RDH12: variants seen among roughly 807,000 people sequenced by gnomAD.
RDH12 encodes the protein retinol dehydrogenase 12.
Under a neutral mutation model 34.0 loss-of-function variants are expected in RDH12, and 21 were observed. That is an observed-to-expected ratio of 0.62 (90% CI 0.44 to 0.89). The LOEUF (loss-of-function observed/expected upper bound fraction) is 0.89. Among genes scored for constraint, RDH12 ranks in the 40% least tolerant of loss-of-function variants. The pLI is 0.00. For synonymous variants in RDH12, 198 were observed against 169.9 expected (o/e 1.17, Z -1.29); for missense variants, 394 against 398.6 (o/e 0.99, Z 0.10).
At chr14:67,716,374 T>C (rs148638361) in intron 1 of RDH12, among the ~76,000 whole-genome samples, 2 of 152,206 alleles carry the variant, frequency 1.3e-5, no homozygotes, top group African/African-American at 4.8e-5. Flanking sequence ...TTAAACACAA[T>C]AAAAGATTTC....
chr14:67,703,196 T>G (rs982130075), intron 1 of RDH12, among the ~76,000 whole-genome samples: 2 of 152,230 alleles, frequency 1.3e-5, no homozygotes, highest in Non-Finnish European at 1.5e-5. Flanking sequence ...TAGTTGGATC[T>G]AAATTATTTT....
intron 1 of RDH12, among the ~76,000 whole-genome samples, chr14:67,714,386 C>T (rs1463561261): frequency 6.6e-6 from 1 of 152,172 alleles, no homozygotes; most frequent in African/African-American, 2.4e-5. Context: ...ATCCTCCTGC[C>T]TTGGCCTCCC....
At chr14:67,720,546 G>T (rs1466471527) in intron 1 of RDH12, among the ~76,000 whole-genome samples, 1 of 152,156 alleles carries the variant, frequency 6.6e-6, no homozygotes, top group East Asian at 1.9e-4. Flanking sequence ...GGATACCTAG[G>T]TGCCACAATA....
intron 4 of RDH12, 28 bp downstream of exon 4, chr14:67,724,619 G>T: frequency 6.6e-7 from 1 of 1,509,770 alleles, no homozygotes; most frequent in South Asian, 1.1e-5. Context: ...AGTCTCCAAA[G>T]GGCCATGCCT....
At chr14:67,711,297 T>C (rs1427787167) in intron 1 of RDH12, among the ~76,000 whole-genome samples, 1 of 152,244 alleles carries the variant, frequency 6.6e-6, no homozygotes, top group Non-Finnish European at 1.5e-5. Context: ...ATGCCAAATT[T>C]TGACACCTTA....
intron 1 of RDH12, among the ~76,000 whole-genome samples, chr14:67,706,863 C>CCTAGACAGGAATGAA (rs1267585167): frequency 1.3e-5 from 2 of 152,106 alleles, no homozygotes; most frequent in East Asian, 3.8e-4. Flanking sequence ...ATGGTTCGTT[C>CCTAGACAGGAATGAA]CTAGACAGGT....
chr14:67,728,262 T>G (rs1473025670), intron 7 of RDH12: 1 of 152,180 alleles, frequency 6.6e-6, no homozygotes, highest in Non-Finnish European at 1.5e-5. Context: ...AAACAATAAC[T>G]ATTACAATAA....
At chr14:67,704,477 A>G (rs2037931661) in intron 1 of RDH12, among the ~76,000 whole-genome samples, 1 of 152,170 alleles carries the variant, frequency 6.6e-6, no homozygotes, top group African/African-American at 2.4e-5. Flanking sequence ...CATTTTCGGA[A>G]CAGCTCCATT....
intron 8 of RDH12, among the ~76,000 whole-genome samples, chr14:67,731,207 C>CTTT (rs71129853): frequency 4.2e-3 from 376 of 90,278 alleles, no homozygotes; most frequent in Middle Eastern, 9.6e-3. Context: ...TTCTTTCTTT[C>CTTT]TTTTTTTTTT....
At chr14:67,722,855 T>G in intron 3 of RDH12, 145 bp downstream of exon 3, 1 of 768,408 alleles carries the variant, frequency 1.3e-6, no homozygotes, top group South Asian at 1.4e-5. Flanking sequence ...GGGGGTGTTG[T>G]GGATACCATG....
intron 7 of RDH12, 27 bp downstream of exon 7, chr14:67,727,217 A>G (rs1206009434): frequency 3.1e-6 from 5 of 1,587,704 alleles, no homozygotes; most frequent in Middle Eastern, 1.7e-4. Flanking sequence ...AGGAATAGCA[A>G]AAATGGTCCT....
chr14:67,731,823 T>C (rs1344467278), intron 8 of RDH12, among the ~76,000 whole-genome samples: 1 of 151,886 alleles, frequency 6.6e-6, no homozygotes, highest in Non-Finnish European at 1.5e-5. Context: ...ATTCTAGGTG[T>C]TTTTTTATTA....
At chr14:67,727,486 T>C in intron 7 of RDH12, 1 of 216,006 alleles carries the variant, frequency 4.6e-6, no homozygotes, top group South Asian at 5.8e-5. Flanking sequence ...GTTTTTTTTG[T>C]TTTTTTTTTT....
intron 1 of RDH12, among the ~76,000 whole-genome samples, chr14:67,702,813 A>G (rs990006944): frequency 4.6e-5 from 7 of 151,962 alleles, no homozygotes; most frequent in Admixed American, 1.3e-4. Context: ...TTATACCTTT[A>G]TTTTTTGATT....
intron 1 of RDH12, among the ~76,000 whole-genome samples, chr14:67,708,833 G>A (rs111957299): frequency 0.012 from 1,667 of 139,268 alleles, 11 homozygotes; most frequent in African/African-American, 0.016. Flanking sequence ...TCATTCTGTC[G>A]CCAAGCTGGA....
chr14:67,727,904 G>A (rs2038210750), intron 7 of RDH12: 1 of 152,964 alleles, frequency 6.5e-6, no homozygotes, highest in Non-Finnish European at 1.5e-5. Context: ...AGGTCCACAT[G>A]GTGATCTGAG....
Position 67,729,398 on chromosome 14 carries a change from G to T in RDH12, c.848+18G>T. On this transcript the variant is annotated intron_variant, in intron 8 of 8. Coordinates refer to ENST00000551171, the MANE Select transcript of RDH12 (RefSeq NM_152443.3). ...TACTTCAGGTGTGTGAAGGCAATGC[G>T]GTTCTCTCCACCACCTGTGTGCATG... 3.8e-6 allele frequency: 6 copies of T among 1,595,770 alleles called. No homozygotes were observed. Among genetic ancestry groups the T allele is most frequent in the Non-Finnish European group, 4.2e-6 (5 of 1,178,514 alleles).
intron 1 of RDH12, among the ~76,000 whole-genome samples, chr14:67,706,859 C>T (rs1034384751): frequency 3.9e-5 from 6 of 152,216 alleles, no homozygotes; most frequent in East Asian, 1.9e-4. Context: ...TAGGATGGTT[C>T]GTTCCTAGAC....
Position 67,725,087 on chromosome 14 carries a change from T to A in RDH12, c.188-12T>A. The A allele has an allele frequency of 6.2e-7, 1 of 1,614,112 alleles. No homozygotes were observed. The highest frequency in any genetic ancestry group is 8.5e-7 in the Non-Finnish European group (1 of 1,179,982). On this transcript the variant is annotated splice_polypyrimidine_tract_variant and intron_variant, in intron 4 of 8. Coordinates refer to ENST00000551171, the MANE Select transcript of RDH12 (RefSeq NM_152443.3). ...ATATGAACATACTGCTCTTTTTTTG[T>A]CTTGGACCCAGGAGCCCGAGTCTAT...
Sources: gnomAD v4.1 joint callset for allele counts (sites outside exome capture counted in the v4.1 genomes callset) on GRCh38, gnomAD v4.1.1 for gene constraint, MANE v1.5 for transcripts, NCBI Gene and HGNC (gene_info 2026-07-23, HGNC 2026-07-21) for gene names.